The following LGMN variants were observed in gnomAD, a reference collection of about 807,000 sequenced individuals.
The protein encoded by LGMN is legumain, also known as asparaginyl endopeptidase.
Under a neutral mutation model 56.8 loss-of-function variants are expected in LGMN, and 36 were observed. The observed-to-expected ratio is 0.63, with a 90% confidence interval of 0.49 to 0.84. The LOEUF (loss-of-function observed/expected upper bound fraction) is 0.84. LGMN is among the 40% of genes least tolerant of loss of function. LGMN has a pLI of 0.00. For missense variants in LGMN, 446 were observed against 556.1 expected, an observed-to-expected ratio of 0.80 and a Z score of 1.99; for synonymous variants, 199 against 210.1, an observed-to-expected ratio of 0.95 and a Z score of 0.46.
chr14:92,710,371 G>A (rs1566916500), intron 10 of LGMN, among the ~76,000 whole-genome samples: 1 of 152,256 alleles, frequency 6.6e-6, no homozygotes, highest in South Asian at 2.1e-4. Context: ...CCAGTAGTGG[G>A]AAGGTACAAA....
At position 92,706,493 on chromosome 14, in the gene LGMN, T is replaced by C; in HGVS notation, c.1181A>G (p.His394Arg). ...AGCCTGCTGGCTCACCGTGGGGGAG[T>C]GCCAGTTGAAGCAGTGGGTCCGGAA... ...LHFRTHCFNWHSPTYEYALRH... is the reference protein window; with the variant it reads ...LHFRTHCFNWRSPTYEYALRH... Residue 394 changes from histidine (H) to arginine (R), a missense_variant, in exon 12 of 14, where the codon CAC (histidine) becomes CGC (arginine). By Grantham distance (29) the His-to-Arg change is conservative. Transcript: ENST00000334869. 6.5e-7 allele frequency: 1 copy of C among 1,546,792 alleles called. No individual in the cohort carries two copies. Among genetic ancestry groups the C allele is most frequent in the South Asian group, 1.2e-5 (1 of 85,312 alleles).
Position 92,719,168 on chromosome 14 carries a change from C to T in LGMN, c.139-324G>A, listed in dbSNP as rs1336324711. Among the ~76,000 whole-genome samples the T allele has an allele frequency of 7.0e-4, 72 of 102,512 alleles. 1 individual carries two copies. The highest frequency in any genetic ancestry group is 2.4e-3 in the African/African-American group (54 of 22,190). The allele number at this position is 102,512 out of a possible 152,430, so 67.3% of individuals were successfully genotyped here. A position where few individuals can be genotyped will look rare whatever the true frequency, so the allele number is the denominator to read the frequency against. ...ACCACCACCGCCACTGCCACCACCA[C>T]CACCACCACCACCATCACCACCACC... is the stretch of plus-strand genomic sequence containing the variant. On this transcript the variant is annotated intron_variant, in intron 2 of 13. Transcript: ENST00000334869.
rs528976009 is a variant in LGMN at position 92,704,045 on chromosome 14, A to G, written c.*274T>C. On this transcript the variant is annotated 3_prime_UTR_variant, in exon 14 of 14. Coordinates refer to ENST00000334869, the MANE Select transcript of LGMN (RefSeq NM_005606.7). ...CATGAGCTTCCTGCTCCTCAAAACT[A>G]ACAGGCAAAACAACAAACCTCCTAG... The G allele has an allele frequency of 1.4e-4, 95 of 698,690 alleles. No individual in the cohort carries two copies. The highest frequency in any genetic ancestry group is 1.1e-4 in the Non-Finnish European group (41 of 383,840). 43.3% of individuals were successfully genotyped at this position (698,690 alleles called of 1,614,324 possible). A position where few individuals can be genotyped will look rare whatever the true frequency, so the allele number is the denominator to read the frequency against.
intron 3 of LGMN, among the ~76,000 whole-genome samples, chr14:92,718,288 T>A (rs1890172530): frequency 6.6e-6 from 1 of 152,158 alleles, no homozygotes; most frequent in Non-Finnish European, 1.5e-5. Context: ...AAGCTCAACA[T>A]GAGGGCCAGA....
rs188345974 is a variant in LGMN at position 92,713,706 on chromosome 14, C to T, written c.543+117G>A. On this transcript the variant is annotated intron_variant, in intron 7 of 13. Transcript: ENST00000334869. ...GGGAAACCAGGGATTGGAAGGATCCCCTTTCTAGAAAACACAGCACCCACA... is the reference window on the plus strand; with the variant it reads ...GGGAAACCAGGGATTGGAAGGATCCTCTTTCTAGAAAACACAGCACCCACA... 9.2e-6 allele frequency: 7 copies of T among 759,098 alleles called. No individual in the cohort carries two copies. In the East Asian group the frequency reaches 1.6e-4, roughly 17 times the overall value. The allele number at this position is 759,098 out of a possible 1,614,324, so 47.0% of individuals were successfully genotyped here. A position where few individuals can be genotyped will look rare whatever the true frequency, so the allele number is the denominator to read the frequency against.
intron 1 of LGMN, among the ~76,000 whole-genome samples, chr14:92,746,279 G>A (rs1263503464): frequency 1.3e-5 from 2 of 152,074 alleles, no homozygotes; most frequent in Non-Finnish European, 2.9e-5. Flanking sequence ...TAACCATTCA[G>A]ATTTCGATAC....
chr14:92,718,516 G>A (rs1021715500), intron 3 of LGMN, among the ~76,000 whole-genome samples: 1 of 151,976 alleles, frequency 6.6e-6, no homozygotes, highest in African/African-American at 2.4e-5. Flanking sequence ...GGAGGTTGCA[G>A]TGAGCCGAGA....
intron 5 of LGMN, chr14:92,715,828 T>TC (rs1457639861): frequency 5.0e-6 from 1 of 199,136 alleles, no homozygotes; most frequent in Non-Finnish European, 1.0e-5. Flanking sequence ...CCTCAGGGGC[T>TC]CCGCTGGCAG....
chr14:92,738,126 G>A (rs1041923727), intron 1 of LGMN, among the ~76,000 whole-genome samples: 19 of 152,106 alleles, frequency 1.2e-4, no homozygotes, highest in Admixed American at 2.6e-4. Context: ...ACAACAGAAC[G>A]GACACCACCT....
In LGMN at chr14:92,706,578, G is replaced by A. The variant is rs780098322; in HGVS notation, c.1096C>T (p.Leu366Phe). The A allele has an allele frequency of 1.9e-6, 3 of 1,605,326 alleles. No homozygotes were observed. Among genetic ancestry groups the A allele is most frequent in the Non-Finnish European group, 2.6e-6 (3 of 1,172,866 alleles). ...LAASEAEVEQ[L>F]LSERAPLTGH... ...GTGAGCGGGGCTCTCTCGGACAGGA[G>A]CTGCTCCACCTCAGCCTCGGACGCT... The change falls in exon 12 of 14, where the codon CTC becomes TTC. Residue 366 changes from leucine to phenylalanine, a missense_variant. Coordinates refer to ENST00000334869, the MANE Select transcript of LGMN (RefSeq NM_005606.7).
intron 10 of LGMN, among the ~76,000 whole-genome samples, chr14:92,710,627 C>T (rs1889712274): frequency 6.6e-6 from 1 of 152,208 alleles, no homozygotes; most frequent in African/African-American, 2.4e-5. Context: ...ACCACACACA[C>T]CAATCTATAT....
At chr14:92,716,294 G>T in intron 4 of LGMN, 73 bp from the exon 5 acceptor site, 1 of 1,050,904 alleles carries the variant, frequency 9.5e-7, no homozygotes. Flanking sequence ...GTCTGCAACC[G>T]ACCCATGCCA....
At chr14:92,721,725 G>T (rs1451927240) in intron 2 of LGMN, among the ~76,000 whole-genome samples, 1 of 152,054 alleles carries the variant, frequency 6.6e-6, no homozygotes, top group Non-Finnish European at 1.5e-5. Flanking sequence ...CAAAAGCCAA[G>T]AAATAACTCC....
At chr14:92,726,146 A>T (rs1396488700) in intron 2 of LGMN, among the ~76,000 whole-genome samples, 2 of 151,732 alleles carry the variant, frequency 1.3e-5, no homozygotes, top group Middle Eastern at 6.8e-3. Flanking sequence ...CTGAGACAGG[A>T]GAATCGCTTA....
chr14:92,711,542 C>T (rs1378503774), intron 10 of LGMN, 117 bp downstream of exon 10: 2 of 965,938 alleles, frequency 2.1e-6, no homozygotes, highest in Non-Finnish European at 3.3e-6. Flanking sequence ...AGAGGCATCC[C>T]TGCCTCAAGC....
At chr14:92,726,066 G>A (rs1460932098) in intron 2 of LGMN, among the ~76,000 whole-genome samples, 1 of 151,102 alleles carries the variant, frequency 6.6e-6, no homozygotes, top group Admixed American at 6.6e-5. Context: ...GTAAAACCCT[G>A]TCTCTACTAA....
rs766698165 is a variant in LGMN, at chr14:92,706,549, C to T, written c.1125G>A (p.Gly375=). 16 of 1,601,930 alleles carry T rather than the reference C, an allele frequency of 1.0e-5. No homozygotes were observed. In the East Asian group the frequency reaches 2.2e-4, roughly 22 times the overall value. Residue 375 remains glycine, a synonymous_variant, in exon 12 of 14, where the codon GGG becomes GGA. Transcript: ENST00000334869. ...GCAGGGCCTCTGGGTAGCAGCTGTG[C>T]CCCGTGAGCGGGGCTCTCTCGGACA... ...QLLSERAPLT[G]HSCYPEALLH... is the part of the protein sequence containing the mutation.
chr14:92,743,210 A>T (rs1450702159), intron 1 of LGMN, among the ~76,000 whole-genome samples: 1 of 152,072 alleles, frequency 6.6e-6, no homozygotes, highest in Non-Finnish European at 1.5e-5. Flanking sequence ...ATGGGATTAA[A>T]ACAAAATCCA....
intron 1 of LGMN, among the ~76,000 whole-genome samples, chr14:92,736,203 A>G (rs1176146794): frequency 2.0e-5 from 3 of 152,210 alleles, no homozygotes; most frequent in Non-Finnish European, 4.4e-5. Flanking sequence ...ACAAAGTCAC[A>G]GGGAGATGTG....
Sources: gnomAD v4.1 joint callset for allele counts (sites outside exome capture counted in the v4.1 genomes callset) on GRCh38, gnomAD v4.1.1 for gene constraint, MANE v1.5 for transcripts, NCBI Gene and HGNC (gene_info 2026-07-23, HGNC 2026-07-21) for gene names.